The following WIPF3 variants were observed in gnomAD, a reference collection of about 807,000 sequenced individuals.
WIPF3 encodes WAS/WASL-interacting protein family member 3.
WIPF3 carries 33 observed loss-of-function variants against 38.9 expected under a neutral mutation model. The observed-to-expected ratio is 0.85, with a 90% confidence interval of 0.64 to 1.14. WIPF3 has a LOEUF of 1.14. Among genes scored for constraint, WIPF3 ranks in the 50% most tolerant of loss-of-function variants. The pLI is 0.00. For missense variants in WIPF3, 711 were observed against 652.5 expected, an observed-to-expected ratio of 1.09 and a Z score of -0.98; for synonymous variants, 324 against 269.3, an observed-to-expected ratio of 1.20 and a Z score of -1.99.
intron 2 of WIPF3, among the ~76,000 whole-genome samples, chr7:29,843,123 T>C (rs1003289391): frequency 6.6e-6 from 1 of 152,248 alleles, no homozygotes; most frequent in Non-Finnish European, 1.5e-5. Context: ...TTTCCCTCTC[T>C]TCTTTGGTGG....
chr7:29,889,078 G>T (rs1785951692), intron 6 of WIPF3, among the ~76,000 whole-genome samples: 1 of 152,170 alleles, frequency 6.6e-6, no homozygotes, highest in African/African-American at 2.4e-5. Flanking sequence ...GTGACAGGGA[G>T]TGACTGGATT....
chr7:29,840,469 A>G (rs951231442), intron 2 of WIPF3, among the ~76,000 whole-genome samples: 1 of 152,164 alleles, frequency 6.6e-6, no homozygotes, highest in Non-Finnish European at 1.5e-5. Context: ...TAAAAATTTG[A>G]CTGGGGTCTA....
intron 8 of WIPF3, chr7:29,906,143 T>C (rs1786392802): frequency 6.6e-6 from 1 of 151,860 alleles, no homozygotes; most frequent in African/African-American, 2.4e-5. Flanking sequence ...AAAAATCACA[T>C]CATACAAAGA....
At chr7:29,851,839 A>C (rs1174657555) in intron 2 of WIPF3, among the ~76,000 whole-genome samples, 1 of 152,168 alleles carries the variant, frequency 6.6e-6, no homozygotes, top group Non-Finnish European at 1.5e-5. Flanking sequence ...CAGGCCCCAC[A>C]GTGGGGACAG....
At chr7:29,902,927 CAATG>C (rs2128080401) in intron 7 of WIPF3, among the ~76,000 whole-genome samples, 1 of 152,072 alleles carries the variant, frequency 6.6e-6, no homozygotes, top group East Asian at 1.9e-4. Context: ...ATGTATTTCT[CAATG>C]AATTTTTAAA....
At chr7:29,814,603 T>G (rs1199547107) in intron 1 of WIPF3, among the ~76,000 whole-genome samples, 2 of 152,214 alleles carry the variant, frequency 1.3e-5, no homozygotes, top group African/African-American at 4.8e-5. Context: ...TTTTGTCACA[T>G]CCTAGCTATT....
At chr7:29,874,781 A>C (rs1785557464) in intron 2 of WIPF3, among the ~76,000 whole-genome samples, 1 of 152,222 alleles carries the variant, frequency 6.6e-6, no homozygotes, top group African/African-American at 2.4e-5. Flanking sequence ...CTGAAGCTAC[A>C]GCTGAAGTGA....
rs1290400576 is a variant in WIPF3 at position 29,884,033 on chromosome 7, C to A, written c.539C>A (p.Pro180His). ...CCTGCCCCGCCCCCTCCCACCCCAC[C>A]CCCTCCGCCTCCACCCTTACCCCCG... ...NVPAPPPPTP[P>H]PPPPPLPPPL... The change falls in exon 5 of 9, where the codon CCC becomes CAC. Residue 180 changes from proline to histidine, a missense_variant. By Grantham distance (77) the Pro-to-His change is moderately conservative. Coordinates refer to ENST00000242140, the MANE Select transcript of WIPF3 (RefSeq NM_001080529.3). 3.5e-6 allele frequency: 5 copies of A among 1,435,498 alleles called. No homozygotes were observed. The highest frequency in any genetic ancestry group is 2.8e-6 in the Non-Finnish European group (3 of 1,082,292). 88.9% of individuals were successfully genotyped at this position (1,435,498 alleles called of 1,614,324 possible). A position where few individuals can be genotyped will look rare whatever the true frequency, so the allele number is the denominator to read the frequency against.
chr7:29,872,725 A>G (rs1026575785), intron 2 of WIPF3, among the ~76,000 whole-genome samples: 2 of 142,350 alleles, frequency 1.4e-5, no homozygotes, highest in African/African-American at 5.3e-5. Flanking sequence ...GAACCCGGGA[A>G]GCGGAGCTTG....
chr7:29,835,371 G>C (rs1419599716), intron 2 of WIPF3, among the ~76,000 whole-genome samples: 1 of 152,174 alleles, frequency 6.6e-6, no homozygotes, highest in Non-Finnish European at 1.5e-5. Context: ...GTGTCTAGAA[G>C]TGGGCCACTG....
At chr7:29,835,405 C>T (rs1013702123) in intron 2 of WIPF3, among the ~76,000 whole-genome samples, 2 of 152,110 alleles carry the variant, frequency 1.3e-5, no homozygotes, top group African/African-American at 4.8e-5. Flanking sequence ...TGTTTTGGAA[C>T]AGGGATTCTC....
rs1179649454 is a variant in WIPF3 at position 29,842,012 on chromosome 7, T to C, written c.90+7198T>C. On this transcript the variant is annotated intron_variant, in intron 2 of 8. Coordinates refer to ENST00000242140, the MANE Select transcript of WIPF3 (RefSeq NM_001080529.3). The stretch of plus-strand genomic sequence containing the variant: ...AACTGTACTTTGACCCCTTGGTAGA[T>C]TCCAAGATGAGCAAAGAAGCCCCTC... Among the ~76,000 whole-genome samples the C allele has an allele frequency of 3.3e-5, 5 of 152,346 alleles. No homozygotes were observed. In the East Asian group the frequency reaches 9.7e-4, roughly 29 times the overall value.
intron 1 of WIPF3, among the ~76,000 whole-genome samples, chr7:29,816,675 A>G (rs1330258114): frequency 6.6e-6 from 1 of 152,088 alleles, no homozygotes; most frequent in Non-Finnish European, 1.5e-5. Flanking sequence ...TTCACATAAC[A>G]CAATGTGGAG....
chr7:29,876,085 A>G, intron 3 of WIPF3, 123 bp downstream of exon 3: 1 of 1,359,884 alleles, frequency 7.4e-7, no homozygotes, highest in African/African-American at 1.5e-5. Context: ...GCCATCTCAG[A>G]CCTGCTCATT....
chr7:29,835,153 C>T lies in WIPF3; in HGVS notation c.90+339C>T, dbSNP rs566618530. Among the ~76,000 whole-genome samples the T allele has an allele frequency of 6.6e-5, 10 of 152,056 alleles. No individual in the cohort carries two copies. In the East Asian group the frequency reaches 9.8e-4, roughly 15 times the overall value. ...ACGCAATGGGCCATGCCAAAGTGCA[C>T]GGCCAATGAGGCCTTGTGAAGTCAA... On this transcript the variant is annotated intron_variant, in intron 2 of 8. Coordinates refer to ENST00000242140, the MANE Select transcript of WIPF3 (RefSeq NM_001080529.3).
chr7:29,888,734 G>C (rs932511179), intron 6 of WIPF3, among the ~76,000 whole-genome samples: 1 of 152,176 alleles, frequency 6.6e-6, no homozygotes, highest in Admixed American at 6.5e-5. Flanking sequence ...CAGAGGCCCA[G>C]ATCACAAAGC....
intron 2 of WIPF3, among the ~76,000 whole-genome samples, chr7:29,839,721 A>G (rs1562774758): frequency 6.6e-6 from 1 of 152,234 alleles, no homozygotes; most frequent in Non-Finnish European, 1.5e-5. Flanking sequence ...AAAAAAATTA[A>G]AAGAAAAGTA....
intron 2 of WIPF3, among the ~76,000 whole-genome samples, chr7:29,847,290 C>A (rs1403770726): frequency 6.6e-6 from 1 of 152,098 alleles, no homozygotes; most frequent in Non-Finnish European, 1.5e-5. Flanking sequence ...AAGCCAAGAT[C>A]AAAATTGAGA....
At chr7:29,899,718 G>C (rs747066297) in intron 7 of WIPF3, among the ~76,000 whole-genome samples, 1 of 152,168 alleles carries the variant, frequency 6.6e-6, no homozygotes, top group Non-Finnish European at 1.5e-5. Context: ...CAAATATTTA[G>C]TGACATGGGA....
Sources: gnomAD v4.1 joint callset for allele counts (sites outside exome capture counted in the v4.1 genomes callset) on GRCh38, gnomAD v4.1.1 for gene constraint, MANE v1.5 for transcripts, NCBI Gene and HGNC (gene_info 2026-07-23, HGNC 2026-07-21) for gene names.